The following KCTD16 variants were observed in gnomAD, a reference collection of about 807,000 sequenced individuals.
KCTD16 encodes BTB/POZ domain-containing protein KCTD16.
A neutral mutation model predicts 33.2 loss-of-function variants in KCTD16; 13 were observed. The observed-to-expected ratio is 0.39, with a 90% CI of 0.25 to 0.62. The LOEUF (loss-of-function observed/expected upper bound fraction) is 0.62. KCTD16 is among the 20% of genes least tolerant of loss of function. KCTD16 has a pLI of 0.50. For missense variants in KCTD16, 441 were observed against 525.1 expected (o/e 0.84, Z 1.57); for synonymous variants, 197 against 195.3 (o/e 1.01, Z -0.07).
intron 3 of KCTD16, among the ~76,000 whole-genome samples, chr5:144,383,514 T>A (rs941624416): frequency 2.0e-4 from 30 of 147,734 alleles, no homozygotes; most frequent in African/African-American, 7.3e-4. Context: ...CTGTAGCTGA[T>A]TTGAAGGCAA....
At chr5:144,420,659 C>T (rs1753189385) in intron 3 of KCTD16, among the ~76,000 whole-genome samples, 1 of 152,006 alleles carries the variant, frequency 6.6e-6, no homozygotes, top group African/African-American at 2.4e-5. Flanking sequence ...TTTTAATTTT[C>T]ATTTTGGGTA....
chr5:144,293,064 T>C (rs1236202327), intron 3 of KCTD16, among the ~76,000 whole-genome samples: 2 of 152,192 alleles, frequency 1.3e-5, no homozygotes, highest in African/African-American at 4.8e-5. Context: ...CTTGGTAATT[T>C]ATCTTTACTG....
At chr5:144,361,906 T>TTGTG (rs3996310) in intron 3 of KCTD16, among the ~76,000 whole-genome samples, 2,105 of 143,956 alleles carry the variant, frequency 0.015, 29 homozygotes, top group African/African-American at 0.032. Flanking sequence ...TGGTGTTATT[T>TTGTG]TGTGTGTGTG....
intron 3 of KCTD16, among the ~76,000 whole-genome samples, chr5:144,286,768 T>G (rs1201278209): frequency 6.6e-6 from 1 of 152,186 alleles, no homozygotes; most frequent in Admixed American, 6.5e-5. Flanking sequence ...TCGAGTTACC[T>G]AGAATTGCAT....
intron 3 of KCTD16, among the ~76,000 whole-genome samples, chr5:144,298,109 G>T (rs146331746): frequency 6.6e-6 from 1 of 152,120 alleles, no homozygotes; most frequent in African/African-American, 2.4e-5. Context: ...CATCCTAATC[G>T]AGCTGAACAC....
chr5:144,388,778 C>T (rs1752387252), intron 3 of KCTD16, among the ~76,000 whole-genome samples: 1 of 152,120 alleles, frequency 6.6e-6, no homozygotes, highest in Admixed American at 6.6e-5. Flanking sequence ...ATCCATTCAA[C>T]GAATCAAACA....
chr5:144,351,548 C>CTTAATAA (rs1311457392), intron 3 of KCTD16, among the ~76,000 whole-genome samples: 1 of 152,134 alleles, frequency 6.6e-6, no homozygotes, highest in Non-Finnish European at 1.5e-5. Flanking sequence ...CTCACTTCTG[C>CTTAATAA]TTAATATATA....
intron 3 of KCTD16, among the ~76,000 whole-genome samples, chr5:144,457,084 C>A (rs1281955488): frequency 6.6e-6 from 1 of 152,020 alleles, no homozygotes; most frequent in Non-Finnish European, 1.5e-5. Context: ...AGTGATAATC[C>A]CTTAACTATA....
rs559701655 is a variant in KCTD16 at position 144,371,172 on chromosome 5, T to C, written c.833-102488T>C. Among the ~76,000 whole-genome samples, 3 of 152,250 alleles carry C rather than the reference T, an allele frequency of 2.0e-5. No homozygotes were observed. In the South Asian group the frequency reaches 6.2e-4, roughly 32 times the overall value. On this transcript the variant is annotated intron_variant, in intron 3 of 3. Transcript: ENST00000512467. ...GGTTTTTGCCACCTGAAATCCAGAA[T>C]TCCTGCCTCACTCTGCTTCAACAAA...
chr5:144,242,624 G>C (rs1754435429), intron 3 of KCTD16, among the ~76,000 whole-genome samples: 1 of 152,248 alleles, frequency 6.6e-6, no homozygotes, highest in South Asian at 2.1e-4. Context: ...GGTGTATTTT[G>C]CTCATGATTT....
At chr5:144,460,200 G>A (rs983259414) in intron 3 of KCTD16, among the ~76,000 whole-genome samples, 19 of 152,062 alleles carry the variant, frequency 1.2e-4, no homozygotes, top group South Asian at 2.1e-4. Flanking sequence ...TTTTCCTTGC[G>A]TATGCCATCT....
intron 3 of KCTD16, among the ~76,000 whole-genome samples, chr5:144,211,521 T>C (rs1243536987): frequency 6.6e-6 from 1 of 152,164 alleles, no homozygotes; most frequent in African/African-American, 2.4e-5. Context: ...AAAACTATTG[T>C]ATACAATTAC....
At chr5:144,406,825 T>A (rs1005920883) in intron 3 of KCTD16, among the ~76,000 whole-genome samples, 1 of 152,168 alleles carries the variant, frequency 6.6e-6, no homozygotes, top group Admixed American at 6.5e-5. Context: ...AAGCTTCTGC[T>A]GGGGTATTTT....
intron 3 of KCTD16, among the ~76,000 whole-genome samples, chr5:144,463,820 C>T (rs1427471740): frequency 2.0e-5 from 3 of 152,186 alleles, no homozygotes; most frequent in African/African-American, 7.2e-5. Context: ...ACACAATTGA[C>T]ATGTAGTAAA....
intron 3 of KCTD16, among the ~76,000 whole-genome samples, chr5:144,458,331 G>A (rs765330865): frequency 3.9e-5 from 6 of 152,096 alleles, no homozygotes; most frequent in Non-Finnish European, 5.9e-5. Flanking sequence ...CCTCGCAACT[G>A]GGTACTCAAT....
At chr5:144,293,328 T>C in intron 3 of KCTD16, among the ~76,000 whole-genome samples, 1 of 152,228 alleles carries the variant, frequency 6.6e-6, no homozygotes, top group Non-Finnish European at 1.5e-5. Flanking sequence ...CCTAATTTGT[T>C]CCTGTTGTGA....
rs112251932 is a variant in KCTD16 at position 144,220,872 on chromosome 5, C to T, written c.832+13326C>T. Among the ~76,000 whole-genome samples, 694 of 150,572 alleles carry T rather than the reference C, an allele frequency of 4.6e-3. 3 individuals carry two copies. The highest frequency in any genetic ancestry group is 0.01 in the Middle Eastern group (3 of 290). On this transcript the variant is annotated intron_variant, in intron 3 of 3. Transcript: ENST00000512467. ...AGGAGAATGGCATGAACGCAGGAGA[C>T]GGAGGTTGCAGTGAGCCGAGATCAC...
chr5:144,461,385 C>T (rs1754190799), intron 3 of KCTD16, among the ~76,000 whole-genome samples: 1 of 152,114 alleles, frequency 6.6e-6, no homozygotes, highest in South Asian at 2.1e-4. Context: ...AGAATGAAAG[C>T]ACCGTGTACC....
intron 3 of KCTD16, among the ~76,000 whole-genome samples, chr5:144,468,491 C>T (rs529020877): frequency 1.1e-4 from 17 of 152,280 alleles, no homozygotes; most frequent in African/African-American, 2.6e-4. Context: ...TGAGTAAAAA[C>T]GGTCAACTGC....
Sources: allele counts gnomAD v4.1 joint callset (sites outside exome capture counted in the v4.1 genomes callset), GRCh38; gene constraint gnomAD v4.1.1; transcripts MANE v1.5; gene names NCBI Gene and HGNC (gene_info 2026-07-23, HGNC 2026-07-21).